The following SPIN2A variants were observed in gnomAD, a reference collection of about 807,000 sequenced individuals.
SPIN2A encodes spindlin family member 2A.
A neutral mutation model predicts 9.2 loss-of-function variants in SPIN2A; 4 were observed. The observed-to-expected ratio is 0.44, with a 90% CI of 0.21 to 1.00. SPIN2A has a LOEUF of 1.00. Ranked by LOEUF, SPIN2A falls within the 50% of genes least tolerant of loss-of-function variation. The pLI is 0.26. For missense variants in SPIN2A, 77 were observed against 172.8 expected, an observed-to-expected ratio of 0.45 and a Z score of 3.11; for synonymous variants, 25 against 61.2, an observed-to-expected ratio of 0.41 and a Z score of 2.76.
At chrX:57,142,767 T>A in the SPIN2A span, among the ~76,000 whole-genome samples, 1 of 112,043 alleles carries the variant, frequency 8.9e-6, no homozygotes, top group East Asian at 2.8e-4. Context: ...CTAATATTTT[T>A]AAATATATCT....
At chrX:57,146,057 T>C in the SPIN2A span, among the ~76,000 whole-genome samples, 1 of 110,189 alleles carries the variant, frequency 9.1e-6, no homozygotes, top group Non-Finnish European at 1.9e-5. Flanking sequence ...GGCTCTTTTT[T>C]TGGTTCCATA....
chrX:57,138,540 G>A (rs1181810786), upstream of SPIN2A, among the ~76,000 whole-genome samples: 3 of 110,926 alleles, frequency 2.7e-5, no homozygotes, highest in Non-Finnish European at 5.7e-5. Context: ...CAGATAGCTC[G>A]TTGATATGCT....
chrX:57,145,638 A>G, the SPIN2A span, among the ~76,000 whole-genome samples: 42 of 111,990 alleles, frequency 3.8e-4, no homozygotes, highest in Middle Eastern at 9.3e-3. Flanking sequence ...TGCCTAAGCC[A>G]ATGTCTAGAA....
chrX:57,135,560 C>G (rs758823461), downstream of SPIN2A: 22 of 477,721 alleles, frequency 4.6e-5, no homozygotes, highest in Non-Finnish European at 7.3e-5. Flanking sequence ...TTATTCACAG[C>G]CGAAATTGAC....
At chrX:57,135,545 GA>G (rs1387270278), downstream of SPIN2A, 1 of 431,874 alleles carries the variant, frequency 2.3e-6, no homozygotes, top group Non-Finnish European at 3.8e-6. Flanking sequence ...GATTCTAGCT[GA>G]ACTTTATTCA....
chrX:57,146,474 T>C, the SPIN2A span, among the ~76,000 whole-genome samples: 2 of 111,639 alleles, frequency 1.8e-5, no homozygotes, highest in South Asian at 3.7e-4. Flanking sequence ...TGAAAGTCTT[T>C]AGGGTTTTCT....
chrX:57,144,302 T>G, the SPIN2A span, among the ~76,000 whole-genome samples: 14 of 111,243 alleles, frequency 1.3e-4, no homozygotes, highest in South Asian at 5.3e-3. Context: ...TTACTTAGTT[T>G]GAGTCTTCTT....
upstream of SPIN2A, among the ~76,000 whole-genome samples, chrX:57,140,417 CAAAAA>C (rs60570721): frequency 8.2e-3 from 534 of 64,788 alleles, 5 homozygotes; most frequent in African/African-American, 0.034. Flanking sequence ...CCATCTCTAC[CAAAAA>C]AAAAAAAAAA....
chrX:57,145,910 GGTCTAT>G, the SPIN2A span, among the ~76,000 whole-genome samples: 1 of 111,201 alleles, frequency 9.0e-6, no homozygotes, highest in Non-Finnish European at 1.9e-5. Context: ...CTGTTCCATT[GGTCTAT>G]GTGCCTGTTT....
the SPIN2A span, among the ~76,000 whole-genome samples, chrX:57,143,314 T>C: frequency 1.8e-5 from 2 of 111,030 alleles, no homozygotes; most frequent in Admixed American, 1.9e-4. Context: ...CTTGCAAGAC[T>C]ATTCTAACGA....
the SPIN2A span, among the ~76,000 whole-genome samples, chrX:57,145,395 T>C: frequency 9.0e-6 from 1 of 111,255 alleles, no homozygotes; most frequent in Admixed American, 9.6e-5. Flanking sequence ...CCCCGCTTTT[T>C]GATGAGGTTA....
At chrX:57,138,676 C>A (rs901369934), upstream of SPIN2A, among the ~76,000 whole-genome samples, 2 of 111,308 alleles carry the variant, frequency 1.8e-5, no homozygotes, top group South Asian at 7.5e-4. Flanking sequence ...TATATCCCCA[C>A]GAGCAATTTA....
chrX:57,141,661 A>G (rs1407774202), upstream of SPIN2A, among the ~76,000 whole-genome samples: 1 of 111,631 alleles, frequency 9.0e-6, no homozygotes. Flanking sequence ...CAATCTTGGT[A>G]GGTTGTATGT....
Position 57,137,319 on chromosome X carries a change from G to A in SPIN2A, c.-65C>T. ...GGAGGGTCAACAGGCGACTCGCTGA[G>A]TGACTGCTTGCAAGAGCGGGGAGGG... On this transcript the variant is annotated 5_prime_UTR_variant, in exon 1 of 2. Coordinates refer to ENST00000374906, the MANE Select transcript of SPIN2A (RefSeq NM_019003.5). 4.0e-6 allele frequency: 3 copies of A among 759,289 alleles called. No homozygotes were observed. Among genetic ancestry groups the A allele is most frequent in the South Asian group, 6.5e-5 (1 of 15,326 alleles). The allele number at this position is 759,289 out of a possible 1,213,427, so 62.6% of individuals were successfully genotyped here.
At chrX:57,140,417 CAAAAAAA>C (rs60570721), upstream of SPIN2A, among the ~76,000 whole-genome samples, 10 of 64,797 alleles carry the variant, frequency 1.5e-4, no homozygotes, top group African/African-American at 2.0e-4. Flanking sequence ...CCATCTCTAC[CAAAAAAA>C]AAAAAAAAAA....
the SPIN2A span, among the ~76,000 whole-genome samples, chrX:57,144,754 G>A: frequency 4.5e-5 from 5 of 110,530 alleles, no homozygotes; most frequent in African/African-American, 1.3e-4. Context: ...TCCCACTTAT[G>A]AGTGAGAACA....
downstream of SPIN2A, chrX:57,134,710 C>T (rs762768815): frequency 3.6e-5 from 4 of 111,494 alleles, no homozygotes; most frequent in African/African-American, 9.8e-5. Flanking sequence ...TCTGAGAGCC[C>T]CACTAACCCA....
the SPIN2A span, among the ~76,000 whole-genome samples, chrX:57,145,449 G>T: frequency 1.9e-3 from 217 of 111,488 alleles, 1 homozygote; most frequent in Non-Finnish European, 3.5e-3. Context: ...AGGAGATTCC[G>T]GATATTAGTC....
upstream of SPIN2A, among the ~76,000 whole-genome samples, chrX:57,137,945 T>C (rs186819737): frequency 1.2e-3 from 130 of 111,541 alleles, 1 homozygote; most frequent in African/African-American, 4.1e-3. Flanking sequence ...GAAATTCCTA[T>C]CCATAGATTC....
Sources: allele counts gnomAD v4.1 joint callset (sites outside exome capture counted in the v4.1 genomes callset), GRCh38; gene constraint gnomAD v4.1.1; transcripts MANE v1.5; gene names NCBI Gene and HGNC (gene_info 2026-07-23, HGNC 2026-07-21).